Variants in GARS1 observed in about 807,000 individuals in gnomAD.
GARS1 encodes the protein glycine--tRNA ligase.
In GARS1, 46 loss-of-function variants were observed where a neutral mutation model predicts 86.4. The observed-to-expected ratio is 0.53, with a 90% CI of 0.42 to 0.68. The LOEUF is 0.68. GARS1 is among the 30% of genes least tolerant of loss of function. The probability of loss-of-function intolerance (pLI) is 0.00; values close to 1 mark genes in which losing one functional copy is unlikely to be tolerated. For missense variants in GARS1, 797 were observed against 915.6 expected (o/e 0.87, Z 1.67); for synonymous variants, 342 against 329.8 (o/e 1.04, Z -0.40).
Position 30,633,970 on chromosome 7 carries a change from A to G in GARS1, c.*110A>G. Reference sequence around the variant, plus strand: ...CATTGTGATTACTCCCAGGGACCGTATTTTATCTTCAGTGGCTGCCTGATT... The same window carrying G: ...CATTGTGATTACTCCCAGGGACCGTGTTTTATCTTCAGTGGCTGCCTGATT... On this transcript the variant is annotated 3_prime_UTR_variant, in exon 17 of 17. Coordinates refer to ENST00000389266, the MANE Select transcript of GARS1 (RefSeq NM_002047.4). 8.9e-6 allele frequency: 12 copies of G among 1,346,698 alleles called. No homozygotes were observed. The highest frequency in any genetic ancestry group is 1.2e-5 in the Non-Finnish European group (12 of 982,112). The allele number at this position is 1,346,698 out of a possible 1,614,324, so 83.4% of individuals were successfully genotyped here.
At chr7:30,598,377 C>CTTTTTTTTTTTTTTTTTTTTTTTTTTTT in intron 1 of GARS1, among the ~76,000 whole-genome samples, 1 of 99,612 alleles carries the variant, frequency 1.0e-5, no homozygotes. Flanking sequence ...TTGCATCATT[C>CTTTTTTTTTTTTTTTTTTTTTTTTTTTT]TTTTTTTTTT....
At chr7:30,621,057 T>C (rs538962064) in intron 10 of GARS1, among the ~76,000 whole-genome samples, 1 of 149,290 alleles carries the variant, frequency 6.7e-6, no homozygotes, top group East Asian at 1.9e-4. Flanking sequence ...TTTCTTTCTT[T>C]TTTTTTTTTT....
chr7:30,621,709 G>A, intron 11 of GARS1: 1 of 598,794 alleles, frequency 1.7e-6, no homozygotes, highest in Non-Finnish European at 3.0e-6. Flanking sequence ...TCAATGTTTG[G>A]CCTTTAAAAG....
At chr7:30,615,822 A>G in intron 8 of GARS1, 74 bp from the exon 9 acceptor site, 1 of 1,429,030 alleles carries the variant, frequency 7.0e-7, no homozygotes, top group Middle Eastern at 2.0e-4. Flanking sequence ...AGTTGAAAAT[A>G]GAGGCCTTGT....
chr7:30,601,305 C>T, intron 4 of GARS1, 105 bp downstream of exon 4: 1 of 1,017,618 alleles, frequency 9.8e-7, no homozygotes, highest in Non-Finnish European at 1.4e-6. Flanking sequence ...AAGAACTACT[C>T]ATTTCATGTA....
chr7:30,623,217 A>G (rs1783054504), intron 12 of GARS1, among the ~76,000 whole-genome samples: 1 of 151,966 alleles, frequency 6.6e-6, no homozygotes, highest in Non-Finnish European at 1.5e-5. Context: ...ATTATTATAT[A>G]TATGAAAAAG....
chr7:30,595,255 C>T (rs1791222204), intron 1 of GARS1, 112 bp downstream of exon 1: 1 of 1,060,884 alleles, frequency 9.4e-7, no homozygotes. Flanking sequence ...TTACCCCTTT[C>T]TTTCCCTTCA....
chr7:30,624,436 G>C (rs1328639038), intron 12 of GARS1, among the ~76,000 whole-genome samples: 1 of 152,140 alleles, frequency 6.6e-6, no homozygotes, highest in African/African-American at 2.4e-5. Context: ...AAGTAATATG[G>C]AATTTATAAC....
chr7:30,606,000 C>T (rs1029134943), intron 6 of GARS1, among the ~76,000 whole-genome samples: 4 of 152,058 alleles, frequency 2.6e-5, no homozygotes, highest in Admixed American at 1.3e-4. Context: ...TTTCCCTCCC[C>T]GCATTTTCAT....
intron 8 of GARS1, among the ~76,000 whole-genome samples, chr7:30,613,028 C>T (rs1782801706): frequency 6.6e-6 from 1 of 152,118 alleles, no homozygotes; most frequent in Admixed American, 6.5e-5. Context: ...AAAGTGTTTT[C>T]CCAGCCCCAG....
chr7:30,626,720 C>T lies in GARS1; in HGVS notation c.1699+401C>T, dbSNP rs147097531. 2.5e-3 allele frequency among the ~76,000 whole-genome samples: 388 copies of T among 152,306 alleles called. 2 individuals carry two copies. Among genetic ancestry groups the T allele is most frequent in the African/African-American group, 8.9e-3 (369 of 41,578 alleles). On this transcript the variant is annotated intron_variant, in intron 13 of 16. Transcript: ENST00000389266. ...TTTAGGGGCCGGGCGTGGTGGCTTA[C>T]GCCTGTAATCCCAGCACTTTGGGAG...
chr7:30,612,703 A>G (rs1371756791), intron 8 of GARS1, among the ~76,000 whole-genome samples: 1 of 152,082 alleles, frequency 6.6e-6, no homozygotes, highest in Admixed American at 6.5e-5. Flanking sequence ...TCAGTAACCA[A>G]CTGGAGTTCT....
intron 7 of GARS1, among the ~76,000 whole-genome samples, chr7:30,610,081 T>C (rs1020181070): frequency 4.6e-5 from 7 of 152,222 alleles, no homozygotes; most frequent in African/African-American, 1.4e-4. Context: ...TTTAGCATGC[T>C]ACTGTCCAAC....
chr7:30,614,042 GA>G (rs1782834419), intron 8 of GARS1, among the ~76,000 whole-genome samples: 1 of 152,148 alleles, frequency 6.6e-6, no homozygotes, highest in Admixed American at 6.5e-5. Flanking sequence ...TTGCTGAACT[GA>G]GATACAGTTA....
chr7:30,627,605 A>G (rs1280837055), intron 13 of GARS1, among the ~76,000 whole-genome samples: 1 of 152,146 alleles, frequency 6.6e-6, no homozygotes, highest in East Asian at 1.9e-4. Context: ...TTTCCTGTGT[A>G]TACCACGGGT....
At chr7:30,621,235 G>A (rs1049691316) in intron 10 of GARS1, among the ~76,000 whole-genome samples, 158 bp from the exon 11 acceptor site, 1 of 151,726 alleles carries the variant, frequency 6.6e-6, no homozygotes, top group Non-Finnish European at 1.5e-5. Flanking sequence ...GATATATGAG[G>A]CTATTCCCAT....
intron 1 of GARS1, among the ~76,000 whole-genome samples, chr7:30,596,604 G>A (rs1362666605): frequency 6.6e-6 from 1 of 152,130 alleles, no homozygotes; most frequent in Non-Finnish European, 1.5e-5. Flanking sequence ...AACTTTGATC[G>A]CGGCAGCTTT....
intron 9 of GARS1, 111 bp downstream of exon 9, chr7:30,616,169 C>A: frequency 1.6e-6 from 2 of 1,216,710 alleles, no homozygotes; most frequent in Non-Finnish European, 2.4e-6. Flanking sequence ...CAGTCATTTG[C>A]TTTTTTACAG....
Position 30,603,583 on chromosome 7 carries a change from TAGAGATGTTATC to T in GARS1, c.735+16_735+27del. ...AGTGTTTTGGCCCAGGTGAGTACTC[TAGAGATGTTATC>T]AGAGTAACCTAGGTGGTCGCTGTCC... On this transcript the variant is annotated intron_variant, in intron 6 of 16. Transcript: ENST00000389266. The T allele has an allele frequency of 6.4e-7, 1 of 1,558,962 alleles. No homozygotes were observed. The highest frequency in any genetic ancestry group is 8.8e-7 in the Non-Finnish European group (1 of 1,130,544).
Sources: allele counts gnomAD v4.1 joint callset (sites outside exome capture counted in the v4.1 genomes callset), GRCh38; gene constraint gnomAD v4.1.1; transcripts MANE v1.5; gene names NCBI Gene and HGNC (gene_info 2026-07-23, HGNC 2026-07-21).